Variants in TRIM34 observed in about 807,000 individuals in gnomAD.
TRIM34 encodes the protein E3 ubiquitin-protein ligase TRIM34.
In TRIM34, 41 loss-of-function variants were observed where a neutral mutation model predicts 38.1. The ratio of observed to expected loss-of-function variants is 1.08; its 90% CI spans 0.84 to 1.40. The LOEUF is 1.40. Among genes scored for constraint, TRIM34 ranks in the 40% most tolerant of loss-of-function variants. The pLI is 0.00. For missense variants in TRIM34, 556 were observed against 571.4 expected (o/e 0.97, Z 0.27); for synonymous variants, 200 against 202.5 (o/e 0.99, Z 0.10).
upstream of TRIM34, among the ~76,000 whole-genome samples, chr11:5,623,294 T>C (rs952878225): frequency 6.6e-6 from 1 of 152,010 alleles, no homozygotes; most frequent in African/African-American, 2.4e-5. Context: ...GGAAAAGAAA[T>C]CTGAAAGTAT....
intron 5 of TRIM34, 81 bp downstream of exon 5, chr11:5,641,270 G>A: frequency 6.2e-7 from 1 of 1,600,272 alleles, no homozygotes. Flanking sequence ...GTGGTCAATT[G>A]GAATAAAAAA....
chr11:5,632,755 G>A lies in TRIM34; in HGVS notation c.423+1G>A, dbSNP rs1405486672. 6 of 1,598,670 alleles carry A rather than the reference G, an allele frequency of 3.8e-6. No homozygotes were observed. Among genetic ancestry groups the A allele is most frequent in the Non-Finnish European group, 4.3e-6 (5 of 1,169,746 alleles). Reference sequence around the variant, plus strand: ...GGAGGAAGTATTCAAGGAATGTCAGGTAGGGCCCTAGATGGAGGGAGATGG... The same window carrying A: ...GGAGGAAGTATTCAAGGAATGTCAGATAGGGCCCTAGATGGAGGGAGATGG... On this transcript the variant is annotated splice_donor_variant, in intron 2 of 7. Coordinates refer to ENST00000429814, the MANE Select transcript of TRIM34 (RefSeq NM_021616.6). LOFTEE classifies it high-confidence loss of function.
chr11:5,642,335 A>G (rs1850047647), intron 5 of TRIM34, 71 bp from the exon 6 acceptor site: 2 of 1,404,840 alleles, frequency 1.4e-6, no homozygotes, highest in East Asian at 4.6e-5. Flanking sequence ...GAAGGAGATG[A>G]AACCAGTGAT....
At chr11:5,635,254 A>AT (rs35208771) in intron 4 of TRIM34, among the ~76,000 whole-genome samples, 4,149 of 128,300 alleles carry the variant, frequency 0.032, 96 homozygotes, top group Non-Finnish European at 0.038. Context: ...TTCCCTGTTA[A>AT]TTTTTTTTTT....
intron 1 of TRIM34, among the ~76,000 whole-genome samples, chr11:5,631,666 T>C (rs1849486260): frequency 6.6e-6 from 1 of 152,102 alleles, no homozygotes; most frequent in African/African-American, 2.4e-5. Flanking sequence ...ACATCTGGGG[T>C]TCTAAAGTTC....
upstream of TRIM34, among the ~76,000 whole-genome samples, chr11:5,623,706 G>A (rs772743993): frequency 5.1e-4 from 77 of 151,966 alleles, no homozygotes; most frequent in African/African-American, 1.8e-3. Context: ...TTCAAAAGCC[G>A]CAATTACTTT....
At position 5,639,679 on chromosome 11, in the gene TRIM34, C is replaced by CAAA. The variant is rs58134807; in HGVS notation, c.751-1462_751-1460dup. Among the ~76,000 whole-genome samples the CAAA allele has an allele frequency of 6.9e-3, 354 of 51,132 alleles. 59 individuals carry two copies. The highest frequency in any genetic ancestry group is 8.3e-3 in the African/African-American group (95 of 11,470). The allele number at this position is 51,132 out of a possible 152,430, so 33.5% of individuals were successfully genotyped here. A position where few individuals can be genotyped will look rare whatever the true frequency, so the allele number is the denominator to read the frequency against. On this transcript the variant is annotated intron_variant, in intron 4 of 7. Coordinates refer to ENST00000429814, the MANE Select transcript of TRIM34 (RefSeq NM_021616.6). The stretch of plus-strand genomic sequence containing the variant: ...TGGGTGACAGAGTGAGACTCTATTT[C>CAAA]AAAAAAAAAAAAAAAAAAAAAAAAA...
chr11:5,620,685 AC>A (rs1377336360), upstream of TRIM34, among the ~76,000 whole-genome samples: 12 of 152,264 alleles, frequency 7.9e-5, no homozygotes, highest in East Asian at 2.3e-3. Context: ...ATTATGCCTT[AC>A]GGTGGGAGGG....
Position 5,643,555 on chromosome 11 carries a change from A to G in TRIM34, c.1313A>G (p.Asp438Gly). The G allele has an allele frequency of 6.2e-7, 1 of 1,614,150 alleles. No homozygotes were observed. Among genetic ancestry groups the G allele is most frequent in the Non-Finnish European group, 8.5e-7 (1 of 1,180,024 alleles). ...VPPCRVGVFL[D>G]YEAGIVSFFN... ...CCCTGCCGTGTTGGGGTTTTCCTCG[A>G]CTATGAAGCAGGCATTGTCTCATTT... Residue 438 changes from aspartate (D) to glycine (G), a missense_variant, in exon 8 of 8, where the codon GAC becomes GGC. Asp to Gly is a moderately conservative substitution (Grantham distance 94, BLOSUM62 -1). Transcript: ENST00000429814.
At chr11:5,632,025 G>C (rs553585039) in intron 1 of TRIM34, among the ~76,000 whole-genome samples, 1 of 152,140 alleles carries the variant, frequency 6.6e-6, no homozygotes, top group Non-Finnish European at 1.5e-5. Context: ...AAGTATAAAC[G>C]AAAGTCATGC....
At chr11:5,620,945 G>A (rs1173029325), upstream of TRIM34, among the ~76,000 whole-genome samples, 11 of 152,266 alleles carry the variant, frequency 7.2e-5, no homozygotes, top group African/African-American at 2.6e-4. Context: ...TTCTAAACTA[G>A]TAAAGCAGTT....
intron 5 of TRIM34, among the ~76,000 whole-genome samples, 183 bp from the exon 6 acceptor site, chr11:5,642,223 G>C (rs1850042124): frequency 6.6e-6 from 1 of 152,144 alleles, no homozygotes; most frequent in Non-Finnish European, 1.5e-5. Flanking sequence ...GAGGATAAGA[G>C]GGAAAGTAGA....
At position 5,641,174 on chromosome 11, in the gene TRIM34, G is replaced by C. The variant is rs772854531; in HGVS notation, c.758G>C (p.Ser253Thr). 6.2e-7 allele frequency: 1 copy of C among 1,613,554 alleles called. No individual in the cohort carries two copies. The highest frequency in any genetic ancestry group is 1.7e-5 in the Admixed American group (1 of 59,978). Reference protein sequence around the residue: ...WSTMELLQDMSGIMKWSEIWR... With the variant: ...WSTMELLQDMTGIMKWSEIWR... ...TTTCTCTTTTCTTTCTAGGACATGA[G>C]TGGAATCATGAAATGGTGCGTATGG... Residue 253 changes from serine (S) to threonine (T), a missense_variant, in exon 5 of 8, where the codon AGT becomes ACT. Physicochemically the swap from Ser to Thr is moderately conservative, Grantham distance 58. Transcript: ENST00000429814.
chr11:5,623,668 C>A (rs1849084227), upstream of TRIM34, among the ~76,000 whole-genome samples: 1 of 151,966 alleles, frequency 6.6e-6, no homozygotes, highest in South Asian at 2.1e-4. Context: ...GTGTGAGCCA[C>A]CACAGTTGGC....
intron 4 of TRIM34, among the ~76,000 whole-genome samples, chr11:5,635,182 C>T (rs1038369078): frequency 2.0e-5 from 3 of 151,798 alleles, no homozygotes; most frequent in Non-Finnish European, 4.4e-5. Flanking sequence ...GGTTTAAGAG[C>T]ATACACATTT....
chr11:5,641,411 T>C, intron 5 of TRIM34: 1 of 1,211,616 alleles, frequency 8.3e-7, no homozygotes, highest in Non-Finnish European at 1.1e-6. Flanking sequence ...AGTTCAGAGC[T>C]ACAGCCAAAA....
chr11:5,635,481 C>T (rs1374174762), intron 4 of TRIM34, among the ~76,000 whole-genome samples: 1 of 152,096 alleles, frequency 6.6e-6, no homozygotes, highest in Non-Finnish European at 1.5e-5. Context: ...TGGTATTAAT[C>T]TCCTGACCTC....
At chr11:5,632,115 C>T in intron 1 of TRIM34, 140 bp from the exon 2 acceptor site, 1 of 1,224,932 alleles carries the variant, frequency 8.2e-7, no homozygotes, top group South Asian at 1.7e-5. Context: ...TCGCCCAGAC[C>T]ACTTTCAGCC....
At chr11:5,639,537 G>A (rs530807051) in intron 4 of TRIM34, among the ~76,000 whole-genome samples, 10 of 151,820 alleles carry the variant, frequency 6.6e-5, no homozygotes, top group South Asian at 2.1e-4. Flanking sequence ...AAAATTAGCC[G>A]GGCATGGTGG....
Sources: allele counts gnomAD v4.1 joint callset (sites outside exome capture counted in the v4.1 genomes callset), GRCh38; gene constraint gnomAD v4.1.1; transcripts MANE v1.5; gene names NCBI Gene and HGNC (gene_info 2026-07-23, HGNC 2026-07-21).